FKTN: variants seen among roughly 807,000 people sequenced by gnomAD.
FKTN encodes the protein ribitol-5-phosphate transferase FKTN.
FKTN carries 47 observed loss-of-function variants against 58.6 expected under a neutral mutation model. The ratio of observed to expected loss-of-function variants is 0.80; its 90% CI spans 0.63 to 1.02. FKTN has a LOEUF of 1.02. FKTN is among the 50% of genes least tolerant of loss of function. The pLI is 0.00. For missense variants in FKTN, 516 were observed against 537.3 expected, an observed-to-expected ratio of 0.96 and a Z score of 0.39; for synonymous variants, 178 against 191.9, an observed-to-expected ratio of 0.93 and a Z score of 0.60.
intron 3 of FKTN, among the ~76,000 whole-genome samples, chr9:105,583,625 T>A (rs143894378): frequency 1.9e-4 from 29 of 152,304 alleles, no homozygotes; most frequent in Middle Eastern, 3.4e-3. Flanking sequence ...TCATATATAT[T>A]TCAAATATTT....
At chr9:105,582,431 G>A (rs1291252259) in intron 3 of FKTN, among the ~76,000 whole-genome samples, 2 of 152,110 alleles carry the variant, frequency 1.3e-5, no homozygotes, top group African/African-American at 4.8e-5. Flanking sequence ...CCTGGCCTCA[G>A]GCAGTTCTGT....
chr9:105,629,586 T>C (rs1833146696), intron 10 of FKTN, among the ~76,000 whole-genome samples: 1 of 152,202 alleles, frequency 6.6e-6, no homozygotes. Flanking sequence ...TATGTGGTTA[T>C]GTAGAGCTAT....
intron 6 of FKTN, among the ~76,000 whole-genome samples, chr9:105,605,820 TGAG>T (rs754967427): frequency 6.6e-6 from 1 of 152,088 alleles, no homozygotes; most frequent in Non-Finnish European, 1.5e-5. Flanking sequence ...TGAATAAGAC[TGAG>T]TATTTGCTAG....
intron 7 of FKTN, among the ~76,000 whole-genome samples, chr9:105,614,009 G>T (rs1466308691): frequency 6.6e-6 from 1 of 152,176 alleles, no homozygotes; most frequent in Non-Finnish European, 1.5e-5. Flanking sequence ...GTGTATTTGA[G>T]GAGTTACAAG....
intron 7 of FKTN, 90 bp from the exon 8 acceptor site, chr9:105,615,188 G>T (rs964622221): frequency 3.6e-5 from 51 of 1,419,990 alleles, no homozygotes; most frequent in Admixed American, 5.0e-5. Context: ...CCAGCCTGGG[G>T]TTAATTTTCA....
Position 105,635,040 on chromosome 9 carries a change from T to A in FKTN, c.1173-11T>A. On this transcript the variant is annotated splice_polypyrimidine_tract_variant and intron_variant, in intron 10 of 10. Coordinates refer to ENST00000357998, the MANE Select transcript of FKTN (RefSeq NM_001079802.2). The stretch of plus-strand genomic sequence containing the variant: ...CCACTGTTGAAGCCTAATCCCTCTG[T>A]TTTGCTGCAGATACCTGTTTCCGAA... The A allele has an allele frequency of 6.2e-7, 1 of 1,613,224 alleles. No individual in the cohort carries two copies. Among genetic ancestry groups the A allele is most frequent in the African/African-American group, 1.3e-5 (1 of 75,050 alleles).
chr9:105,574,317 A>C (rs1841300756), intron 2 of FKTN: 1 of 152,182 alleles, frequency 6.6e-6, no homozygotes, highest in Admixed American at 6.6e-5. Flanking sequence ...AACCAAAATC[A>C]AACAGTGGAG....
At chr9:105,634,426 G>C (rs1014943547) in intron 10 of FKTN, among the ~76,000 whole-genome samples, 1 of 152,074 alleles carries the variant, frequency 6.6e-6, no homozygotes, top group Non-Finnish European at 1.5e-5. Context: ...GAGCCACCAC[G>C]ACCGGCCTGG....
chr9:105,602,729 T>C (rs1228756225), intron 5 of FKTN, among the ~76,000 whole-genome samples: 1 of 152,028 alleles, frequency 6.6e-6, no homozygotes, highest in East Asian at 1.9e-4. Flanking sequence ...CTGATTTTTG[T>C]ATTTTTTTTT....
intron 1 of FKTN, among the ~76,000 whole-genome samples, chr9:105,561,052 C>T (rs1838201423): frequency 1.3e-5 from 2 of 151,828 alleles, no homozygotes; most frequent in Admixed American, 6.6e-5. Context: ...TGCCACTGCA[C>T]TCCAGCCTGG....
At position 105,635,446 on chromosome 9, in the gene FKTN, C is replaced by T; in HGVS notation, c.*182C>T. The T allele has an allele frequency of 6.9e-7, 1 of 1,451,464 alleles. No homozygotes were observed. Among genetic ancestry groups the T allele is most frequent in the Non-Finnish European group, 9.0e-7 (1 of 1,109,608 alleles). The allele number at this position is 1,451,464 out of a possible 1,614,324, so 89.9% of individuals were successfully genotyped here. On this transcript the variant is annotated 3_prime_UTR_variant, in exon 11 of 11. Transcript: ENST00000357998. ...TTAGTACTGAGGAATTTTCATGTGCCACATACAATGCTAGGTTACAGTGGA... is the reference window on the plus strand; with the variant it reads ...TTAGTACTGAGGAATTTTCATGTGCTACATACAATGCTAGGTTACAGTGGA...
rs1243169303 is a variant in FKTN, at chr9:105,604,350, C to G, written c.505C>G (p.His169Asp). 1 of 1,614,176 alleles carries G rather than the reference C, an allele frequency of 6.2e-7. No individual in the cohort carries two copies. The highest frequency in any genetic ancestry group is 8.5e-7 in the Non-Finnish European group (1 of 1,180,018). ...GCACTATATCTGCAAACTGGCCACTCATGCGATCCACTTGGTAGTCTTTCA... is the reference window on the plus strand; with the variant it reads ...GCACTATATCTGCAAACTGGCCACTGATGCGATCCACTTGGTAGTCTTTCA... ...PLHYICKLATHAIHLVVFHER... is the reference protein window; with the variant it reads ...PLHYICKLATDAIHLVVFHER... The change falls in exon 6 of 11, where the codon CAT becomes GAT. Residue 169 changes from histidine to aspartate, a missense_variant. Physicochemically the swap from His to Asp is moderately conservative, Grantham distance 81. Coordinates refer to ENST00000357998, the MANE Select transcript of FKTN (RefSeq NM_001079802.2).
chr9:105,603,866 A>G (rs1388501020), intron 5 of FKTN: 1 of 315,124 alleles, frequency 3.2e-6, no homozygotes, highest in South Asian at 3.0e-5. Flanking sequence ...TTTTGTAGAG[A>G]CAGGTTGCCC....
rs1175796844 is a variant in FKTN at position 105,635,650 on chromosome 9, A to T, written c.*386A>T. The T allele has an allele frequency of 2.7e-6, 3 of 1,121,264 alleles. No individual in the cohort carries two copies. Among genetic ancestry groups the T allele is most frequent in the Non-Finnish European group, 3.3e-6 (3 of 912,960 alleles). 69.5% of individuals were successfully genotyped at this position (1,121,264 alleles called of 1,614,324 possible). On this transcript the variant is annotated 3_prime_UTR_variant, in exon 11 of 11. Transcript: ENST00000357998. ...TGAGCTCACCAGGCAAAGCTAAGGA[A>T]GGATATACTAGTTGAAAAGAATAAC... is the stretch of plus-strand genomic sequence containing the variant.
rs373743124 is a variant in FKTN at position 105,637,233 on chromosome 9, A to G, written c.*1969A>G. The G allele has an allele frequency of 4.1e-6, 4 of 985,208 alleles. No homozygotes were observed. Among genetic ancestry groups the G allele is most frequent in the Non-Finnish European group, 4.8e-6 (4 of 829,806 alleles). The allele number at this position is 985,208 out of a possible 1,614,324, so 61.0% of individuals were successfully genotyped here. ...CACTCCACATTTCTCCCCATTTCCA[A>G]TTGGGACTCCCATTCTTTGCCAGGA... On this transcript the variant is annotated 3_prime_UTR_variant, in exon 11 of 11. Coordinates refer to ENST00000357998, the MANE Select transcript of FKTN (RefSeq NM_001079802.2).
intron 3 of FKTN, among the ~76,000 whole-genome samples, chr9:105,595,100 C>T (rs1320108042): frequency 1.3e-5 from 2 of 151,976 alleles, no homozygotes; most frequent in Non-Finnish European, 2.9e-5. Context: ...ATATATGATT[C>T]CATTTTTATG....
intron 10 of FKTN, among the ~76,000 whole-genome samples, chr9:105,630,031 T>C (rs1833211584): frequency 6.6e-6 from 1 of 151,678 alleles, no homozygotes; most frequent in South Asian, 2.1e-4. Context: ...CATCACACAA[T>C]CACACACTGG....
At chr9:105,591,832 G>T (rs781470667) in intron 3 of FKTN, among the ~76,000 whole-genome samples, 1 of 152,320 alleles carries the variant, frequency 6.6e-6, no homozygotes, top group South Asian at 2.1e-4. Flanking sequence ...GGACATCCAG[G>T]CTTTTCCATA....
chr9:105,604,752 C>T (rs1409467884), intron 6 of FKTN, among the ~76,000 whole-genome samples: 2 of 151,954 alleles, frequency 1.3e-5, no homozygotes, highest in South Asian at 2.1e-4. Flanking sequence ...GTCAGGAGTT[C>T]GAGACCAGCC....
Sources: gnomAD v4.1 joint callset for allele counts (sites outside exome capture counted in the v4.1 genomes callset) on GRCh38, gnomAD v4.1.1 for gene constraint, MANE v1.5 for transcripts, NCBI Gene and HGNC (gene_info 2026-07-23, HGNC 2026-07-21) for gene names.